BICC1: variants seen among roughly 807,000 people sequenced by gnomAD.
BICC1 encodes protein bicaudal C homolog 1.
In BICC1, 43 loss-of-function variants were observed where a neutral mutation model predicts 111.0. The observed-to-expected ratio is 0.39, with a 90% CI of 0.30 to 0.50. BICC1 has a LOEUF of 0.50. Ranked by LOEUF, BICC1 falls within the 20% of genes least tolerant of loss-of-function variation. The pLI is 0.88. For missense variants in BICC1, 1,091 were observed against 1,203.2 expected (o/e 0.91, Z 1.38); for synonymous variants, 467 against 434.4 (o/e 1.07, Z -0.93).
intron 1 of BICC1, among the ~76,000 whole-genome samples, chr10:58,613,260 C>A (rs1466558174): frequency 6.6e-6 from 1 of 151,934 alleles, no homozygotes; most frequent in African/African-American, 2.4e-5. Context: ...TACATCCAAG[C>A]GAATAAACTT....
intron 17 of BICC1, among the ~76,000 whole-genome samples, chr10:58,812,625 G>A (rs61861304): frequency 0.022 from 3,307 of 151,638 alleles, 55 homozygotes; most frequent in Non-Finnish European, 0.032. Flanking sequence ...TTACAGGTAC[G>A]CACCACCACA....
chr10:58,604,586 G>A (rs1395943201), intron 1 of BICC1, among the ~76,000 whole-genome samples: 3 of 152,114 alleles, frequency 2.0e-5, no homozygotes, highest in East Asian at 3.9e-4. Context: ...GCGTGAACCC[G>A]GGAGGCAGAG....
chr10:58,513,438 C>T, intron 1 of BICC1, 105 bp downstream of exon 1: 5 of 929,240 alleles, frequency 5.4e-6, no homozygotes, highest in Non-Finnish European at 7.6e-6. Flanking sequence ...TACGGCCGGC[C>T]GGTTTAGCTC....
chr10:58,585,459 A>G (rs1235762227), intron 1 of BICC1, among the ~76,000 whole-genome samples: 1 of 152,222 alleles, frequency 6.6e-6, no homozygotes, highest in Admixed American at 6.5e-5. Flanking sequence ...GAATATGGTG[A>G]TACAAATTAG....
intron 2 of BICC1, among the ~76,000 whole-genome samples, chr10:58,665,873 A>G (rs1838993321): frequency 6.6e-6 from 1 of 152,158 alleles, no homozygotes; most frequent in Non-Finnish European, 1.5e-5. Context: ...ATAACCTTGC[A>G]AAAGTATGGT....
chr10:58,680,890 T>G (rs984153312), intron 2 of BICC1, among the ~76,000 whole-genome samples: 2 of 152,196 alleles, frequency 1.3e-5, no homozygotes, highest in African/African-American at 4.8e-5. Context: ...CCATCTGATC[T>G]TTGACAAACC....
intron 1 of BICC1, among the ~76,000 whole-genome samples, chr10:58,521,782 T>G (rs977331015): frequency 1.7e-4 from 5 of 30,128 alleles, no homozygotes; most frequent in South Asian, 1.5e-3. Context: ...TTTTTTTTTT[T>G]TTTTTTTTTT....
chr10:58,541,929 C>T (rs141580708), intron 1 of BICC1, among the ~76,000 whole-genome samples: 2,373 of 151,998 alleles, frequency 0.016, 23 homozygotes, highest in Non-Finnish European at 0.024. Flanking sequence ...GTGGGCAGAT[C>T]GTTTGAGATC....
At chr10:58,525,932 T>G (rs949926124) in intron 1 of BICC1, among the ~76,000 whole-genome samples, 14 of 151,442 alleles carry the variant, frequency 9.2e-5, no homozygotes, top group African/African-American at 3.2e-4. Flanking sequence ...AATAGTACAT[T>G]TGGTTGAAAA....
intron 1 of BICC1, among the ~76,000 whole-genome samples, chr10:58,601,577 T>C (rs1383357940): frequency 6.6e-6 from 1 of 152,036 alleles, no homozygotes; most frequent in East Asian, 1.9e-4. Context: ...GATTATATTT[T>C]TAAGACCTAG....
rs142762912 is a variant in BICC1 at position 58,679,004 on chromosome 10, T to A, written c.238-23070T>A. 4.9e-3 allele frequency among the ~76,000 whole-genome samples: 742 copies of A among 152,202 alleles called. 5 individuals are homozygous for A. The highest frequency in any genetic ancestry group is 0.016 in the African/African-American group (682 of 41,544). On this transcript the variant is annotated intron_variant, in intron 2 of 20. Coordinates refer to ENST00000373886, the MANE Select transcript of BICC1 (RefSeq NM_001080512.3). ...GAAACCAATGTGAACGAAGACACAATGTACCAGAATCTCTGGGACACAGCT... is the reference window on the plus strand; with the variant it reads ...GAAACCAATGTGAACGAAGACACAAAGTACCAGAATCTCTGGGACACAGCT...
In BICC1 at chr10:58,799,392, A is replaced by G. The variant is rs984473152; in HGVS notation, c.1725+140A>G. The G allele has an allele frequency of 4.4e-5, 24 of 550,286 alleles. 1 individual carries two copies. The highest frequency in any genetic ancestry group is 8.2e-5 in the South Asian group (1 of 12,210). The allele number at this position is 550,286 out of a possible 1,614,324, so 34.1% of individuals were successfully genotyped here. On this transcript the variant is annotated intron_variant, in intron 12 of 20. Coordinates refer to ENST00000373886, the MANE Select transcript of BICC1 (RefSeq NM_001080512.3). ...GATAAACCCCTGGTAAAGTTAAAAC[A>G]TGTTTAAACTTTCACCTAAAATGAA...
At chr10:58,666,954 T>C (rs1279198999) in intron 2 of BICC1, among the ~76,000 whole-genome samples, 1 of 152,180 alleles carries the variant, frequency 6.6e-6, no homozygotes, top group Non-Finnish European at 1.5e-5. Flanking sequence ...GTCTACTTAA[T>C]ATTTAAATTC....
rs1312700523 is a variant in BICC1 at position 58,826,986 on chromosome 10, T to C, written c.2795-1775T>C. Among the ~76,000 whole-genome samples the C allele has an allele frequency of 2.6e-5, 4 of 152,202 alleles. No individual in the cohort carries two copies. The East Asian group carries it at 5.8e-4, about 22-fold the overall frequency. ...GAATGTTTTCTCTAGACTGTTTCCA[T>C]TGATACTTTTTCCCTGAAGTCAGGA... On this transcript the variant is annotated intron_variant, in intron 20 of 20. Transcript: ENST00000373886.
At chr10:58,589,908 C>T (rs371414968) in intron 1 of BICC1, among the ~76,000 whole-genome samples, 6 of 152,054 alleles carry the variant, frequency 3.9e-5, no homozygotes, top group East Asian at 1.9e-4. Flanking sequence ...TGGCCTCAAG[C>T]GATCGTCCTG....
At chr10:58,522,521 C>T (rs959642603) in intron 1 of BICC1, among the ~76,000 whole-genome samples, 2 of 152,080 alleles carry the variant, frequency 1.3e-5, no homozygotes, top group Non-Finnish European at 2.9e-5. Flanking sequence ...AACAAAGACA[C>T]AACATACCAG....
At chr10:58,517,225 G>C (rs1197195890) in intron 1 of BICC1, among the ~76,000 whole-genome samples, 1 of 152,114 alleles carries the variant, frequency 6.6e-6, no homozygotes, top group East Asian at 1.9e-4. Context: ...TTCATGAAAG[G>C]AGATTGACAT....
chr10:58,692,690 T>C (rs1839946362), intron 2 of BICC1, among the ~76,000 whole-genome samples: 1 of 152,084 alleles, frequency 6.6e-6, no homozygotes, highest in Non-Finnish European at 1.5e-5. Flanking sequence ...GAGCATCTTT[T>C]GTAAGCCTTA....
chr10:58,546,041 A>G (rs1235711711), intron 1 of BICC1, among the ~76,000 whole-genome samples: 2 of 152,182 alleles, frequency 1.3e-5, no homozygotes, highest in Non-Finnish European at 2.9e-5. Flanking sequence ...CTGAACCGGA[A>G]TTAAGCAATG....
Sources: gnomAD v4.1 joint callset for allele counts (sites outside exome capture counted in the v4.1 genomes callset) on GRCh38, gnomAD v4.1.1 for gene constraint, MANE v1.5 for transcripts, NCBI Gene and HGNC (gene_info 2026-07-23, HGNC 2026-07-21) for gene names.